Variants in ANXA4 observed in about 807,000 individuals in gnomAD.
The protein encoded by ANXA4 is 35-beta calcimedin.
Under a neutral mutation model 49.8 loss-of-function variants are expected in ANXA4, and 39 were observed. The ratio of observed to expected loss-of-function variants is 0.78; its 90% confidence interval spans 0.61 to 1.02. The LOEUF (loss-of-function observed/expected upper bound fraction) is 1.02, where lower values mean the gene tolerates loss of function less well. Among genes scored for constraint, ANXA4 ranks in the 50% least tolerant of loss-of-function variants. ANXA4 has a pLI of 0.00. For synonymous variants in ANXA4, 134 were observed against 152.5 expected (o/e 0.88, Z 0.89); for missense variants, 360 against 410.1 (o/e 0.88, Z 1.05).
At chr2:69,795,774 T>C (rs2124010) in intron 3 of ANXA4, among the ~76,000 whole-genome samples, 8,758 of 152,226 alleles carry the variant, frequency 0.058, 747 homozygotes, top group Admixed American at 0.21. Flanking sequence ...CTGGCCCCCA[T>C]GTGGGCTAAA....
At chr2:69,661,376 G>T (rs932586944) in intron 2 of ANXA4, among the ~76,000 whole-genome samples, 1 of 152,072 alleles carries the variant, frequency 6.6e-6, no homozygotes, top group African/African-American at 2.4e-5. Flanking sequence ...AGGCACAGTG[G>T]CTCATTCCTG....
intron 1 of ANXA4, among the ~76,000 whole-genome samples, chr2:69,768,323 C>G (rs1671575370): frequency 6.6e-6 from 1 of 152,232 alleles, no homozygotes; most frequent in Non-Finnish European, 1.5e-5. Context: ...ACAAGGCCAG[C>G]TCTCCTGATG....
intron 2 of ANXA4, among the ~76,000 whole-genome samples, chr2:69,660,878 G>A (rs1676689346): frequency 6.6e-6 from 1 of 151,952 alleles, no homozygotes; most frequent in Admixed American, 6.6e-5. Flanking sequence ...TAATAGAAGG[G>A]AGGGGGAAGA....
At chr2:69,784,483 G>C (rs912527202) in intron 2 of ANXA4, among the ~76,000 whole-genome samples, 1 of 152,212 alleles carries the variant, frequency 6.6e-6, no homozygotes, top group East Asian at 1.9e-4. Context: ...GCTGTCTCAT[G>C]CTGGGGCCAA....
At chr2:69,647,014 A>G (rs1356499507) in intron 1 of ANXA4, among the ~76,000 whole-genome samples, 1 of 152,232 alleles carries the variant, frequency 6.6e-6, no homozygotes, top group Non-Finnish European at 1.5e-5. Context: ...TAAATGTTAA[A>G]TCTCCACCCC....
intron 2 of ANXA4, among the ~76,000 whole-genome samples, chr2:69,656,648 G>A (rs1676510582): frequency 6.6e-6 from 1 of 150,658 alleles, no homozygotes; most frequent in Admixed American, 6.7e-5. Context: ...CACCTCCTGG[G>A]TTCAAGCTGT....
chr2:69,792,546 A>G, intron 3 of ANXA4, among the ~76,000 whole-genome samples: 1 of 152,206 alleles, frequency 6.6e-6, no homozygotes, highest in Middle Eastern at 3.4e-3. Flanking sequence ...AAAACCATAT[A>G]ATGCCCTTTT....
intron 7 of ANXA4, 97 bp downstream of exon 7, chr2:69,810,770 A>T: frequency 5.3e-6 from 5 of 946,406 alleles, no homozygotes; most frequent in Non-Finnish European, 8.6e-6. Context: ...TGACATGTGG[A>T]TATTCCCCAG....
intron 1 of ANXA4, among the ~76,000 whole-genome samples, chr2:69,645,895 T>C (rs1463683925): frequency 6.6e-6 from 1 of 152,122 alleles, no homozygotes; most frequent in Non-Finnish European, 1.5e-5. Flanking sequence ...ATTTTATAGG[T>C]GGGTAAGTAA....
intron 1 of ANXA4, among the ~76,000 whole-genome samples, chr2:69,758,282 C>T (rs1671141955): frequency 6.6e-6 from 1 of 152,242 alleles, no homozygotes; most frequent in African/African-American, 2.4e-5. Context: ...CAAAGCGCTG[C>T]GACTACAGGC....
At chr2:69,794,738 G>C (rs1672862059) in intron 3 of ANXA4, among the ~76,000 whole-genome samples, 1 of 151,788 alleles carries the variant, frequency 6.6e-6, no homozygotes, top group African/African-American at 2.4e-5. Flanking sequence ...AATTTTTTTT[G>C]CATTTTTAGT....
At chr2:69,756,208 A>G (rs758171261) in intron 1 of ANXA4, among the ~76,000 whole-genome samples, 3 of 152,200 alleles carry the variant, frequency 2.0e-5, no homozygotes, top group Non-Finnish European at 4.4e-5. Flanking sequence ...AACACCAGTC[A>G]CTTGGAAGCT....
chr2:69,771,923 T>A (rs1479695889), intron 1 of ANXA4, among the ~76,000 whole-genome samples: 1 of 152,242 alleles, frequency 6.6e-6, no homozygotes, highest in Non-Finnish European at 1.5e-5. Context: ...AGGTCTCATA[T>A]GTTTAATTCC....
intron 3 of ANXA4, among the ~76,000 whole-genome samples, chr2:69,722,282 G>T (rs962355525): frequency 6.6e-6 from 1 of 152,164 alleles, no homozygotes; most frequent in Non-Finnish European, 1.5e-5. Context: ...ATACTCAAAA[G>T]AATTTAAAAC....
chr2:69,762,053 A>G (rs1671314836), intron 1 of ANXA4, among the ~76,000 whole-genome samples: 1 of 152,220 alleles, frequency 6.6e-6, no homozygotes. Flanking sequence ...TACCAGAGCA[A>G]TAAAGCTGTG....
At chr2:69,772,128 T>C (rs1445283333) in intron 1 of ANXA4, among the ~76,000 whole-genome samples, 1 of 152,230 alleles carries the variant, frequency 6.6e-6, no homozygotes, top group Non-Finnish European at 1.5e-5. Context: ...ACAGTCCTGA[T>C]GCTTTTAGAG....
chr2:69,766,446 C>T lies in ANXA4; in HGVS notation c.-46-15074C>T, dbSNP rs183056796. Among the ~76,000 whole-genome samples, 418 of 152,256 alleles carry T rather than the reference C, an allele frequency of 2.7e-3. 4 individuals carry two copies. Among genetic ancestry groups the T allele is most frequent in the Admixed American group, 6.6e-3 (101 of 15,284 alleles). Reference sequence around the variant, plus strand: ...TGTTACCCATGAGGAAACTGAGGCACAAGAGATTATACCTTGGCCCAAATC... The same window carrying T: ...TGTTACCCATGAGGAAACTGAGGCATAAGAGATTATACCTTGGCCCAAATC... On this transcript the variant is annotated intron_variant, in intron 1 of 12. Coordinates refer to ENST00000394295, the MANE Select transcript of ANXA4 (RefSeq NM_001153.5).
chr2:69,711,174 A>G (rs1410119882), intron 2 of ANXA4, among the ~76,000 whole-genome samples: 3 of 152,204 alleles, frequency 2.0e-5, no homozygotes, highest in Non-Finnish European at 4.4e-5. Context: ...TATTAAAAAT[A>G]CAAAAATGAG....
intron 8 of ANXA4, chr2:69,814,793 TGA>T (rs374780818): frequency 0.058 from 2,554 of 43,944 alleles, 47 homozygotes; most frequent in East Asian, 0.088. Context: ...TGTGTGTGTG[TGA>T]GAGAAAGAGA....
Sources: allele counts gnomAD v4.1 joint callset (sites outside exome capture counted in the v4.1 genomes callset), GRCh38; gene constraint gnomAD v4.1.1; transcripts MANE v1.5; gene names NCBI Gene and HGNC (gene_info 2026-07-23, HGNC 2026-07-21).